Variants in GALNT13 observed in about 807,000 individuals in gnomAD.
GALNT13 encodes the protein polypeptide N-acetylgalactosaminyltransferase 13.
A neutral mutation model predicts 64.2 loss-of-function variants in GALNT13; 28 were observed. The observed-to-expected ratio is 0.44, with a 90% CI of 0.32 to 0.60. The LOEUF (loss-of-function observed/expected upper bound fraction) is 0.60, where lower values mean the gene tolerates loss of function less well. GALNT13 is among the 20% of genes least tolerant of loss of function. The pLI is 0.05. For missense variants in GALNT13, 577 were observed against 669.8 expected, an observed-to-expected ratio of 0.86 and a Z score of 1.53; for synonymous variants, 214 against 224.6, an observed-to-expected ratio of 0.95 and a Z score of 0.42.
the GALNT13 span, among the ~76,000 whole-genome samples, chr2:153,534,514 CT>C: frequency 4.3e-5 from 5 of 116,488 alleles, no homozygotes; most frequent in African/African-American, 1.9e-4. Flanking sequence ...TTAGGCCCCT[CT>C]TTCTTTCTTT....
At chr2:153,573,331 C>T in the GALNT13 span, among the ~76,000 whole-genome samples, 1 of 151,822 alleles carries the variant, frequency 6.6e-6, no homozygotes, top group Non-Finnish European at 1.5e-5. Context: ...TCCATATGTG[C>T]CTTTTTAGAT....
At chr2:153,889,558 GTATTA>G (rs753682258) in intron 1 of GALNT13, among the ~76,000 whole-genome samples, 2 of 151,908 alleles carry the variant, frequency 1.3e-5, no homozygotes, top group Non-Finnish European at 1.5e-5. Context: ...TAATCATGTT[GTATTA>G]TATGCACTTG....
the GALNT13 span, chr2:153,478,669 G>A: frequency 2.2e-6 from 2 of 916,582 alleles, no homozygotes; most frequent in Non-Finnish European, 3.3e-6. Flanking sequence ...GCAGACTAGC[G>A]CGTGCGAGGG....
chr2:153,161,163 C>T, the GALNT13 span, among the ~76,000 whole-genome samples: 3 of 152,302 alleles, frequency 2.0e-5, no homozygotes, highest in Non-Finnish European at 4.4e-5. Context: ...TGCAATACAC[C>T]GCTTATGAAC....
intron 9 of GALNT13, among the ~76,000 whole-genome samples, chr2:154,346,173 T>C (rs527237907): frequency 5.3e-5 from 8 of 152,028 alleles, no homozygotes; most frequent in Non-Finnish European, 1.0e-4. Context: ...GGAAATGATA[T>C]ATATATATGT....
At chr2:153,319,719 A>G in the GALNT13 span, among the ~76,000 whole-genome samples, 1 of 152,200 alleles carries the variant, frequency 6.6e-6, no homozygotes, top group Non-Finnish European at 1.5e-5. Flanking sequence ...ATTTTTGACA[A>G]TTGCTACATT....
At chr2:154,370,981 A>T (rs1372757705) in intron 9 of GALNT13, among the ~76,000 whole-genome samples, 1 of 152,078 alleles carries the variant, frequency 6.6e-6, no homozygotes, top group African/African-American at 2.4e-5. Context: ...GAAAACCAGA[A>T]GAATGTGGTG....
chr2:154,266,075 A>C (rs2105913238), intron 8 of GALNT13, among the ~76,000 whole-genome samples: 1 of 152,302 alleles, frequency 6.6e-6, no homozygotes, highest in East Asian at 1.9e-4. Flanking sequence ...GAATTTAAAA[A>C]GAAAACCAAA....
At chr2:153,884,276 G>GA (rs61687129) in intron 1 of GALNT13, among the ~76,000 whole-genome samples, 10,357 of 147,084 alleles carry the variant, frequency 0.07, 429 homozygotes, top group Middle Eastern at 0.13. Flanking sequence ...TAATTTTTTT[G>GA]AAAAAAAAAA....
At chr2:153,126,625 G>A in the GALNT13 span, among the ~76,000 whole-genome samples, 2 of 152,016 alleles carry the variant, frequency 1.3e-5, no homozygotes, top group East Asian at 1.9e-4. Flanking sequence ...ATTGAAAACT[G>A]TATTTACCTT....
rs541851709 is a variant in GALNT13, at chr2:154,447,251, TATTTTA to T, written c.1531-3156_1531-3151del. On this transcript the variant is annotated intron_variant, in intron 12 of 12. Transcript: ENST00000392825. The stretch of plus-strand genomic sequence containing the variant: ...GCATATCCTTTCTAAAGTATCTTAT[TATTTTA>T]ATTAAAACACTAAGCAAACACATTA... 1.6e-3 allele frequency among the ~76,000 whole-genome samples: 250 copies of T among 152,146 alleles called. 1 individual carries two copies. Among genetic ancestry groups the T allele is most frequent in the Admixed American group, 0.016 (246 of 15,218 alleles).
rs575342251 is a variant in GALNT13 at position 154,261,015 on chromosome 2, G to A, written c.975+1877G>A. 4.6e-5 allele frequency among the ~76,000 whole-genome samples: 7 copies of A among 152,172 alleles called. No homozygotes were observed. The East Asian group carries it at 1.2e-3, about 25-fold the overall frequency. On this transcript the variant is annotated intron_variant, in intron 8 of 12. Coordinates refer to ENST00000392825, the MANE Select transcript of GALNT13 (RefSeq NM_052917.4). ...TTTATCACATATCTCCCAGATTGGC[G>A]GGATGCTCTTTATCTAACTGGTTGA...
the GALNT13 span, among the ~76,000 whole-genome samples, chr2:153,404,783 C>G: frequency 6.6e-6 from 1 of 152,106 alleles, no homozygotes; most frequent in Non-Finnish European, 1.5e-5. Flanking sequence ...AAAGTAAATT[C>G]AGTAAACGAG....
At chr2:154,093,457 A>T (rs1356809369) in intron 3 of GALNT13, among the ~76,000 whole-genome samples, 1 of 152,014 alleles carries the variant, frequency 6.6e-6, no homozygotes, top group African/African-American at 2.4e-5. Flanking sequence ...CTCTACCTTC[A>T]CAAAAATGAA....
At chr2:153,137,208 T>G in the GALNT13 span, among the ~76,000 whole-genome samples, 4 of 152,116 alleles carry the variant, frequency 2.6e-5, no homozygotes, top group Non-Finnish European at 5.9e-5. Flanking sequence ...AAGGAATTAT[T>G]GGTAAAGAAC....
At chr2:153,171,872 A>C in the GALNT13 span, 1 of 152,214 alleles carries the variant, frequency 6.6e-6, no homozygotes, top group Non-Finnish European at 1.5e-5. Flanking sequence ...ATAATTGTCT[A>C]TTAACATTAA....
chr2:153,444,164 A>G, the GALNT13 span, among the ~76,000 whole-genome samples: 1 of 151,948 alleles, frequency 6.6e-6, no homozygotes, highest in East Asian at 1.9e-4. Flanking sequence ...TCTATCATCT[A>G]TCATTTATCC....
At position 154,287,575 on chromosome 2, in the gene GALNT13, G is replaced by C. The variant is rs1413900095; in HGVS notation, c.976-13834G>C. The C allele has an allele frequency of 2.1e-5, 5 of 233,542 alleles. No homozygotes were observed. The East Asian group carries it at 5.1e-4, about 24-fold the overall frequency. The allele number at this position is 233,542 out of a possible 1,614,324, so 14.5% of individuals were successfully genotyped here. A position where few individuals can be genotyped will look rare whatever the true frequency, so the allele number is the denominator to read the frequency against. On this transcript the variant is annotated intron_variant, in intron 8 of 12. Transcript: ENST00000392825. ...ATCCTTCTTCTGCTTGTTCTACTTG[G>C]CTGTTGAAACCCTCTTTTGAATTGT...
At chr2:153,409,307 T>TATGAATATGTATATATTC in the GALNT13 span, among the ~76,000 whole-genome samples, 1 of 127,582 alleles carries the variant, frequency 7.8e-6, no homozygotes, top group Non-Finnish European at 1.7e-5. Flanking sequence ...TGTATATATA[T>TATGAATATGTATATATTC]ATATGAATAT....
Sources: gnomAD v4.1 joint callset for allele counts (sites outside exome capture counted in the v4.1 genomes callset) on GRCh38, gnomAD v4.1.1 for gene constraint, MANE v1.5 for transcripts, NCBI Gene and HGNC (gene_info 2026-07-23, HGNC 2026-07-21) for gene names.